BAIAP2: variants seen among roughly 807,000 people sequenced by gnomAD.
The protein encoded by BAIAP2 is BAR/IMD domain containing adaptor protein 2.
A neutral mutation model predicts 63.0 loss-of-function variants in BAIAP2; 18 were observed. That is an observed-to-expected ratio of 0.29 (90% CI 0.20 to 0.42). BAIAP2 has a LOEUF of 0.42. BAIAP2 is among the 10% of genes least tolerant of loss of function. The pLI is 1.00. For synonymous variants in BAIAP2, 386 were observed against 307.6 expected (o/e 1.25, Z -2.67); for missense variants, 610 against 734.3 (o/e 0.83, Z 1.96).
intron 1 of BAIAP2, among the ~76,000 whole-genome samples, chr17:81,037,286 G>A (rs1476523762): frequency 6.6e-6 from 1 of 152,246 alleles, no homozygotes; most frequent in Non-Finnish European, 1.5e-5. Context: ...GTGGGCCGCA[G>A]GTGTCTGAAG....
intron 6 of BAIAP2, among the ~76,000 whole-genome samples, chr17:81,094,793 C>T (rs1009296612): frequency 2.0e-5 from 3 of 152,228 alleles, no homozygotes; most frequent in Non-Finnish European, 1.5e-5. Context: ...TCACCCCACA[C>T]ACCACAGCTG....
chr17:81,035,450 G>C (rs2046084410), intron 1 of BAIAP2, 142 bp downstream of exon 1: 1 of 353,700 alleles, frequency 2.8e-6, no homozygotes, highest in African/African-American at 2.2e-5. Flanking sequence ...TTCCCGGCGC[G>C]GCCACCCGGG....
chr17:81,074,604 C>A (rs1024066803), intron 3 of BAIAP2, among the ~76,000 whole-genome samples: 1 of 149,504 alleles, frequency 6.7e-6, no homozygotes, highest in South Asian at 2.1e-4. Flanking sequence ...TGTGTGCGTG[C>A]ACGGATGCGT....
At position 81,048,085 on chromosome 17, in the gene BAIAP2, G is replaced by A. The variant is rs549698132; in HGVS notation, c.55-5583G>A. On this transcript the variant is annotated intron_variant, in intron 1 of 13. Coordinates refer to ENST00000428708, the MANE Select transcript of BAIAP2 (RefSeq NM_001144888.2). ...CCAGCGTCACAGGAAGGAGAGCCAA[G>A]GGATAAACAGAATTCCTGGCCGGGA... is the stretch of plus-strand genomic sequence containing the variant. 2.0e-5 allele frequency among the ~76,000 whole-genome samples: 3 copies of A among 152,352 alleles called. No individual in the cohort carries two copies. The South Asian group carries it at 6.2e-4, about 32-fold the overall frequency.
intron 6 of BAIAP2, among the ~76,000 whole-genome samples, chr17:81,090,424 C>T (rs1331333277): frequency 6.6e-6 from 1 of 152,210 alleles, no homozygotes; most frequent in Non-Finnish European, 1.5e-5. Context: ...CAACTCTTAA[C>T]CACACAGGTG....
chr17:81,104,991 C>A (rs142944958), intron 10 of BAIAP2: 1 of 395,794 alleles, frequency 2.5e-6, no homozygotes, highest in Non-Finnish European at 4.7e-6. Flanking sequence ...GGATCTCCCC[C>A]CAACGGCAGG....
intron 2 of BAIAP2, among the ~76,000 whole-genome samples, chr17:81,054,706 G>A (rs2049180758): frequency 6.6e-6 from 1 of 152,144 alleles, no homozygotes; most frequent in Admixed American, 6.5e-5. Context: ...AGAGGGTGTG[G>A]GGGACTGGTG....
At chr17:81,115,350 G>C (rs1269857000) in intron 13 of BAIAP2, among the ~76,000 whole-genome samples, 1 of 152,222 alleles carries the variant, frequency 6.6e-6, no homozygotes, top group Non-Finnish European at 1.5e-5. Flanking sequence ...CTGTGTCCCT[G>C]GGTGTGGGCC....
chr17:81,113,920 G>T (rs973187916), intron 13 of BAIAP2, among the ~76,000 whole-genome samples: 3 of 151,308 alleles, frequency 2.0e-5, no homozygotes, highest in African/African-American at 7.3e-5. Flanking sequence ...CCTCGGCTGT[G>T]GTCTGGGCCA....
Position 81,069,983 on chromosome 17 carries a change from A to G in BAIAP2, c.217+12016A>G, listed in dbSNP as rs114597539. On this transcript the variant is annotated intron_variant, in intron 3 of 13. Transcript: ENST00000428708. ...TGTTGTCTTTTCCCCCTTTTTGGAG[A>G]CAGAGTCTCACTCTGTCACTCAGGC... 2.7e-3 allele frequency among the ~76,000 whole-genome samples: 414 copies of G among 151,870 alleles called. 3 individuals are homozygous for G. Among genetic ancestry groups the G allele is most frequent in the African/African-American group, 9.5e-3 (392 of 41,372 alleles).
chr17:81,099,690 C>T (rs2058228282), intron 6 of BAIAP2, among the ~76,000 whole-genome samples: 1 of 152,144 alleles, frequency 6.6e-6, no homozygotes, highest in South Asian at 2.1e-4. Context: ...CAGAGTGGTC[C>T]CGGGGCAGGG....
At chr17:81,076,972 A>G (rs2053765208) in intron 3 of BAIAP2, among the ~76,000 whole-genome samples, 1 of 152,272 alleles carries the variant, frequency 6.6e-6, no homozygotes, top group African/African-American at 2.4e-5. Context: ...CCCTGGCTCT[A>G]AAAAGACAAG....
intron 3 of BAIAP2, among the ~76,000 whole-genome samples, chr17:81,077,438 C>G (rs2053839528): frequency 6.6e-6 from 1 of 152,000 alleles, no homozygotes; most frequent in Non-Finnish European, 1.5e-5. Context: ...CGTGGTGGCG[C>G]ACATCTGCAG....
chr17:81,100,465 G>T (rs921522505), intron 7 of BAIAP2, among the ~76,000 whole-genome samples: 1 of 152,178 alleles, frequency 6.6e-6, no homozygotes. Flanking sequence ...CCTGGTGGGT[G>T]GCCTCTGTGT....
chr17:81,116,665 C>T lies in BAIAP2; in HGVS notation c.*826C>T, dbSNP rs555975390. Reference sequence around the variant, plus strand: ...CCTCCCCCCCCCACCTCCGCTGACTCCTGCAGGCACTGGGGAGCTCTGCTG... The same window carrying T: ...CCTCCCCCCCCCACCTCCGCTGACTTCTGCAGGCACTGGGGAGCTCTGCTG... On this transcript the variant is annotated 3_prime_UTR_variant, in exon 14 of 14. Coordinates refer to ENST00000428708, the MANE Select transcript of BAIAP2 (RefSeq NM_001144888.2). 1,201 of 331,548 alleles carry T rather than the reference C, an allele frequency of 3.6e-3. 4 individuals carry two copies. Among genetic ancestry groups the T allele is most frequent in the Non-Finnish European group, 4.7e-3 (825 of 174,006 alleles). The allele number at this position is 331,548 out of a possible 1,614,324, so 20.5% of individuals were successfully genotyped here.
rs1450211876 is a variant in BAIAP2, at chr17:81,046,500, C to T, written c.55-7168C>T. On this transcript the variant is annotated intron_variant, in intron 1 of 13. Coordinates refer to ENST00000428708, the MANE Select transcript of BAIAP2 (RefSeq NM_001144888.2). This position sits in a 1 kb window ranked among gnomAD's most constrained non-coding sequence, Gnocchi z 4.5. ...ACCCCCACAGCCCCCACTCCTCTTGCCCTGTGAGCCAGCTCCCAGGCTCTG... is the reference window on the plus strand; with the variant it reads ...ACCCCCACAGCCCCCACTCCTCTTGTCCTGTGAGCCAGCTCCCAGGCTCTG... Among the ~76,000 whole-genome samples, 1 of 152,138 alleles carries T rather than the reference C, an allele frequency of 6.6e-6. No homozygotes were observed. The highest frequency in any genetic ancestry group is 1.9e-4 in the East Asian group (1 of 5,178).
At position 81,057,986 on chromosome 17, in the gene BAIAP2, C is replaced by CCG. The variant is rs2049895976; in HGVS notation, c.217+20_217+21insGC. Reference sequence around the variant, plus strand: ...GAACTCGGTGAGACCCCCCCCCCCCCCCCGCCTGGTAGTCGCCTGATGCCC... The same window carrying CCG: ...GAACTCGGTGAGACCCCCCCCCCCCCCGCCCGCCTGGTAGTCGCCTGATGCCC... On this transcript the variant is annotated intron_variant, in intron 3 of 13. Coordinates refer to ENST00000428708, the MANE Select transcript of BAIAP2 (RefSeq NM_001144888.2). The CCG allele has an allele frequency of 1.7e-6, 2 of 1,204,416 alleles. No homozygotes were observed. The highest frequency in any genetic ancestry group is 3.8e-5 in the African/African-American group (2 of 52,554). The allele number at this position is 1,204,416 out of a possible 1,614,324, so 74.6% of individuals were successfully genotyped here. A position where few individuals can be genotyped will look rare whatever the true frequency, so the allele number is the denominator to read the frequency against.
intron 13 of BAIAP2, among the ~76,000 whole-genome samples, chr17:81,113,575 C>T (rs2060156658): frequency 6.6e-6 from 1 of 152,192 alleles, no homozygotes; most frequent in African/African-American, 2.4e-5. Flanking sequence ...GGCCTGCTGT[C>T]CCAGCCAGCC....
intron 6 of BAIAP2, among the ~76,000 whole-genome samples, chr17:81,099,162 G>A (rs1318542621): frequency 1.3e-5 from 2 of 152,200 alleles, no homozygotes; most frequent in Non-Finnish European, 2.9e-5. Context: ...CCCCGTGGAC[G>A]CTGGTCTTGC....
Sources: gnomAD v4.1 joint callset for allele counts (sites outside exome capture counted in the v4.1 genomes callset) on GRCh38, gnomAD v4.1.1 for gene constraint, Gnocchi (gnomAD v3.1) non-coding constraint, MANE v1.5 for transcripts, NCBI Gene and HGNC (gene_info 2026-07-23, HGNC 2026-07-21) for gene names.